Variants in DAGLA observed in about 807,000 individuals in gnomAD.
The protein encoded by DAGLA is diacylglycerol lipase alpha.
Under a neutral mutation model 102.6 loss-of-function variants are expected in DAGLA, and 22 were observed. The ratio of observed to expected loss-of-function variants is 0.21; its 90% CI spans 0.15 to 0.31. DAGLA has a LOEUF of 0.31. Ranked by LOEUF, DAGLA falls within the 10% of genes least tolerant of loss-of-function variation. The pLI, the probability that DAGLA is intolerant of heterozygous loss-of-function variation, is 1.00. For missense variants in DAGLA, 927 were observed against 1,446.6 expected (o/e 0.64, Z 5.83); for synonymous variants, 578 against 628.9 (o/e 0.92, Z 1.21).
intron 1 of DAGLA, among the ~76,000 whole-genome samples, chr11:61,711,074 C>T (rs987687556): frequency 3.3e-5 from 5 of 152,278 alleles, no homozygotes; most frequent in Admixed American, 2.0e-4. Context: ...TTGAGAGAGT[C>T]GCGTTCCCGG....
At chr11:61,692,652 C>T (rs1004202752) in intron 1 of DAGLA, among the ~76,000 whole-genome samples, 4 of 152,018 alleles carry the variant, frequency 2.6e-5, no homozygotes, top group Admixed American at 6.5e-5. Context: ...TCAGGAGTTC[C>T]GGGTTCCTGC....
At position 61,742,426 on chromosome 11, in the gene DAGLA, T is replaced by C. The variant is rs925199445; in HGVS notation, c.2171+1077T>C. The stretch of plus-strand genomic sequence containing the variant: ...CTTCCTGGCCCTTGGTAGGGACAAC[T>C]GGACGTCTCTCCCTGCCATTTGTGC... On this transcript the variant is annotated intron_variant, in intron 19 of 19. Coordinates refer to ENST00000257215, the MANE Select transcript of DAGLA (RefSeq NM_006133.3). Among the ~76,000 whole-genome samples the C allele has an allele frequency of 5.3e-5, 8 of 152,202 alleles. No individual in the cohort carries two copies. In the East Asian group the frequency reaches 9.6e-4, roughly 18 times the overall value.
Position 61,722,889 on chromosome 11 carries a change from T to C in DAGLA, c.338T>C (p.Ile113Thr). The change falls in exon 4 of 20, where the codon ATC becomes ACC. Residue 113 changes from isoleucine (I) to threonine (T), a missense_variant. Physicochemically the swap from Ile to Thr is moderately conservative, Grantham distance 89. This residue lies in a region of DAGLA where 231 missense variants were observed against 439.8 expected (regional missense o/e 0.53). Coordinates refer to ENST00000257215, the MANE Select transcript of DAGLA (RefSeq NM_006133.3). ...CTGGTGATCGAGTTCATCTACGCCA[T>C]CGTGGGCATCGTCTGGCTCACTCAG... ...AILVIEFIYAIVGIVWLTQYY... is the reference protein window; with the variant it reads ...AILVIEFIYATVGIVWLTQYY... 6.2e-7 allele frequency: 1 copy of C among 1,614,122 alleles called. No individual in the cohort carries two copies. The highest frequency in any genetic ancestry group is 8.5e-7 in the Non-Finnish European group (1 of 1,179,996).
chr11:61,738,058 C>A, intron 15 of DAGLA, 77 bp from the exon 16 acceptor site: 3 of 1,185,702 alleles, frequency 2.5e-6, no homozygotes, highest in Non-Finnish European at 2.5e-6. Context: ...GTGTGCCTGC[C>A]CCTCCGCCCC....
intron 10 of DAGLA, 88 bp from the exon 11 acceptor site, chr11:61,735,473 C>G: frequency 8.3e-7 from 1 of 1,208,582 alleles, no homozygotes; most frequent in Non-Finnish European, 1.2e-6. Flanking sequence ...GCCAGAGTTC[C>G]TGGCCAGGAA....
At chr11:61,725,902 G>A in intron 5 of DAGLA, 93 bp from the exon 6 acceptor site, 1 of 1,213,726 alleles carries the variant, frequency 8.2e-7, no homozygotes, top group Non-Finnish European at 1.2e-6. Context: ...GTAGGGTCCT[G>A]GGAACAGCCT....
intron 1 of DAGLA, 131 bp from the exon 2 acceptor site, chr11:61,719,981 T>A: frequency 1.6e-6 from 1 of 626,808 alleles, no homozygotes; most frequent in Non-Finnish European, 2.8e-6. Context: ...GGTCAGCACT[T>A]CCAGTGGCCA....
In DAGLA at chr11:61,744,622, G is replaced by A. The variant is rs1565267663; in HGVS notation, c.*133G>A. 1.4e-6 allele frequency: 1 copy of A among 724,098 alleles called. No individual in the cohort carries two copies. The highest frequency in any genetic ancestry group is 2.8e-5 in the East Asian group (1 of 36,204). 44.9% of individuals were successfully genotyped at this position (724,098 alleles called of 1,614,324 possible). A position where few individuals can be genotyped will look rare whatever the true frequency, so the allele number is the denominator to read the frequency against. On this transcript the variant is annotated 3_prime_UTR_variant, in exon 20 of 20. Coordinates refer to ENST00000257215, the MANE Select transcript of DAGLA (RefSeq NM_006133.3). ...TTTAGCCTCAGGCACAGGCATCGCT[G>A]CTGAGCTGGGGGTCCGCATCCCTAC...
intron 3 of DAGLA, 124 bp downstream of exon 3, chr11:61,721,014 AC>A: frequency 2.3e-6 from 2 of 880,882 alleles, no homozygotes; most frequent in Non-Finnish European, 3.5e-6. Flanking sequence ...ACAGCAGTGA[AC>A]TAAGGCCTTC....
chr11:61,736,510 T>C (rs913950039), intron 13 of DAGLA, among the ~76,000 whole-genome samples, 160 bp downstream of exon 13: 5 of 152,214 alleles, frequency 3.3e-5, no homozygotes, highest in African/African-American at 4.8e-5. Flanking sequence ...CCCTCCTCTT[T>C]TGTGCCAGGT....
chr11:61,728,595 C>T (rs1298102081), intron 7 of DAGLA, among the ~76,000 whole-genome samples: 1 of 152,230 alleles, frequency 6.6e-6, no homozygotes, highest in African/African-American at 2.4e-5. Flanking sequence ...CCGAGTCGGT[C>T]TTCTGCGTGG....
chr11:61,715,464 C>T (rs2065228835), intron 1 of DAGLA, among the ~76,000 whole-genome samples: 1 of 152,230 alleles, frequency 6.6e-6, no homozygotes, highest in African/African-American at 2.4e-5. Context: ...ACCTTCTTCC[C>T]CCCCATCCCC....
At chr11:61,742,807 C>T (rs1305407729) in intron 19 of DAGLA, among the ~76,000 whole-genome samples, 1 of 150,438 alleles carries the variant, frequency 6.6e-6, no homozygotes, top group African/African-American at 2.5e-5. Flanking sequence ...TCCCTCCCTC[C>T]TTCCCTCCCT....
intron 1 of DAGLA, among the ~76,000 whole-genome samples, chr11:61,691,741 G>C (rs949455976): frequency 1.3e-5 from 2 of 152,236 alleles, no homozygotes; most frequent in Admixed American, 6.5e-5. Flanking sequence ...GAAACCGCAG[G>C]GGGTGTTGGG....
At chr11:61,738,902 T>A (rs1477354974) in intron 16 of DAGLA, among the ~76,000 whole-genome samples, 1 of 152,130 alleles carries the variant, frequency 6.6e-6, no homozygotes, top group Non-Finnish European at 1.5e-5. Flanking sequence ...TTCCCAGCTT[T>A]GGTGCCCTAG....
At position 61,742,272 on chromosome 11, in the gene DAGLA, T is replaced by G. The variant is rs547482384; in HGVS notation, c.2171+923T>G. Among the ~76,000 whole-genome samples, 6 of 152,268 alleles carry G rather than the reference T, an allele frequency of 3.9e-5. No homozygotes were observed. The South Asian group carries it at 1.2e-3, about 32-fold the overall frequency. On this transcript the variant is annotated intron_variant, in intron 19 of 19. Coordinates refer to ENST00000257215, the MANE Select transcript of DAGLA (RefSeq NM_006133.3). ...CACATGGGGGCCACAGCGCCCTTGCTATTCACACACTCTTTGAGGGGTGCG... is the reference window on the plus strand; with the variant it reads ...CACATGGGGGCCACAGCGCCCTTGCGATTCACACACTCTTTGAGGGGTGCG...
Position 61,746,851 on chromosome 11 carries a change from A to C in DAGLA, c.*2362A>C, listed in dbSNP as rs1410767166. 6 of 152,612 alleles carry C rather than the reference A, an allele frequency of 3.9e-5. No homozygotes were observed. Among genetic ancestry groups the C allele is most frequent in the Non-Finnish European group, 8.8e-5 (6 of 68,054 alleles). 9.5% of individuals were successfully genotyped at this position (152,612 alleles called of 1,614,324 possible). On this transcript the variant is annotated 3_prime_UTR_variant, in exon 20 of 20. Transcript: ENST00000257215. ...CACTCTCTTACGTGCCATTCTCCCC[A>C]GACTTTTTTTGTACTTAATGTATGA...
At chr11:61,707,398 G>C (rs527948224) in intron 1 of DAGLA, among the ~76,000 whole-genome samples, 3 of 152,384 alleles carry the variant, frequency 2.0e-5, no homozygotes, top group South Asian at 4.1e-4. Flanking sequence ...GCTGGCACTT[G>C]TCAGGGGCCT....
At chr11:61,723,745 A>G (rs1029078138) in intron 5 of DAGLA, among the ~76,000 whole-genome samples, 173 bp downstream of exon 5, 3 of 152,214 alleles carry the variant, frequency 2.0e-5, no homozygotes, top group African/African-American at 7.2e-5. Flanking sequence ...TTCCTTGTCT[A>G]TAAAGTGGGA....
Sources: allele counts gnomAD v4.1 joint callset (sites outside exome capture counted in the v4.1 genomes callset), GRCh38; gene constraint gnomAD v4.1.1; regional missense constraint gnomAD v4.1.1; transcripts MANE v1.5; gene names NCBI Gene and HGNC (gene_info 2026-07-23, HGNC 2026-07-21).